Variants in PCM1 observed in about 807,000 individuals in gnomAD.
PCM1 encodes pericentriolar material 1 protein.
PCM1 carries 157 observed loss-of-function variants against 241.9 expected under a neutral mutation model. That is an observed-to-expected ratio of 0.65 (90% confidence interval 0.57 to 0.74). PCM1 has a LOEUF of 0.74. PCM1 is among the 30% of genes least tolerant of loss of function. The pLI is 0.00. For missense variants in PCM1, 3,478 were observed against 2,360.1 expected, an observed-to-expected ratio of 1.47 and a Z score of -9.81; for synonymous variants, 1,085 against 784.9, an observed-to-expected ratio of 1.38 and a Z score of -6.39.
intron 13 of PCM1, 44 bp from the exon 14 acceptor site, chr8:17,959,970 T>A: frequency 6.3e-7 from 1 of 1,581,828 alleles, no homozygotes; most frequent in Non-Finnish European, 8.6e-7. Context: ...TTGGATAATG[T>A]CTTGAGGTAT....
chr8:18,018,241 T>C (rs1309725191), intron 36 of PCM1, among the ~76,000 whole-genome samples: 1 of 152,220 alleles, frequency 6.6e-6, no homozygotes, highest in Non-Finnish European at 1.5e-5. Context: ...CTGACCCTTC[T>C]AAACCTGAAC....
chr8:18,026,501 C>T (rs566517458), intron 38 of PCM1, among the ~76,000 whole-genome samples: 8 of 151,680 alleles, frequency 5.3e-5, no homozygotes, highest in East Asian at 2.0e-4. Context: ...CCTCGTGATC[C>T]GCCTGCCTCA....
At chr8:17,995,922 T>C (rs1307775207) in intron 29 of PCM1, among the ~76,000 whole-genome samples, 2 of 152,196 alleles carry the variant, frequency 1.3e-5, no homozygotes, top group African/African-American at 4.8e-5. Flanking sequence ...GTTCTAATAG[T>C]ATTCTTGTGG....
At chr8:18,011,925 A>G in intron 34 of PCM1, 98 bp downstream of exon 34, 1 of 1,112,954 alleles carries the variant, frequency 9.0e-7, no homozygotes, top group Non-Finnish European at 1.3e-6. Flanking sequence ...ATCCTTCTAA[A>G]TATTCAGGTT....
chr8:17,998,233 G>A (rs1423213514), intron 29 of PCM1, among the ~76,000 whole-genome samples: 2 of 152,042 alleles, frequency 1.3e-5, no homozygotes, highest in Middle Eastern at 3.4e-3. Flanking sequence ...TTTTCTGTAT[G>A]GTCTTGATGT....
rs557264194 is a variant in PCM1, at chr8:17,994,971, T to C, written c.4827+1352T>C. Among the ~76,000 whole-genome samples, 18 of 151,628 alleles carry C rather than the reference T, an allele frequency of 1.2e-4. No individual in the cohort carries two copies. The South Asian group carries it at 1.9e-3, about 16-fold the overall frequency. On this transcript the variant is annotated intron_variant, in intron 29 of 38. Transcript: ENST00000325083. ...TTTGCACATATTTTCTCTCATTCTG[T>C]GGGTTGTCTCTTCACTTTGTTGTTT...
chr8:18,007,812 C>T (rs1330857264), intron 30 of PCM1, among the ~76,000 whole-genome samples: 2 of 152,068 alleles, frequency 1.3e-5, no homozygotes, highest in Non-Finnish European at 2.9e-5. Flanking sequence ...TACGTTTTTA[C>T]CATAACTGTA....
At chr8:18,000,504 G>C (rs2088914030) in intron 29 of PCM1, among the ~76,000 whole-genome samples, 1 of 152,100 alleles carries the variant, frequency 6.6e-6, no homozygotes. Context: ...TAGGAAATCA[G>C]TAGGTCCTAC....
At chr8:17,940,130 A>C in intron 6 of PCM1, 1 of 1,563,020 alleles carries the variant, frequency 6.4e-7, no homozygotes, top group South Asian at 1.2e-5. Flanking sequence ...CTAAACATAG[A>C]TGTGCAGTCT....
At chr8:17,955,867 A>T in intron 10 of PCM1, 1 of 560,484 alleles carries the variant, frequency 1.8e-6, no homozygotes, top group South Asian at 2.1e-5. Flanking sequence ...AACTGATGTT[A>T]CTTTCTTGTT....
chr8:18,017,019 C>A (rs1488727185), intron 36 of PCM1, among the ~76,000 whole-genome samples: 8 of 152,178 alleles, frequency 5.3e-5, no homozygotes, highest in Non-Finnish European at 8.8e-5. Flanking sequence ...AGTTTCTACG[C>A]ATGATATTAG....
At chr8:17,956,122 A>G (rs558571477) in intron 10 of PCM1, among the ~76,000 whole-genome samples, 1 of 152,316 alleles carries the variant, frequency 6.6e-6, no homozygotes, top group African/African-American at 2.4e-5. Flanking sequence ...ACTTACAGTA[A>G]GAACTCAGCT....
At chr8:17,992,217 A>G (rs927715653) in intron 28 of PCM1, among the ~76,000 whole-genome samples, 3 of 152,330 alleles carry the variant, frequency 2.0e-5, no homozygotes, top group East Asian at 1.9e-4. Context: ...ACGTGCAAGT[A>G]TCTTTTTCAT....
chr8:17,950,550 T>A, intron 7 of PCM1, 65 bp from the exon 8 acceptor site: 1 of 797,808 alleles, frequency 1.3e-6, no homozygotes, highest in Non-Finnish European at 2.0e-6. Flanking sequence ...TATTTTTAGC[T>A]TCTCAGAGAT....
At chr8:17,986,811 A>G (rs1409239772) in intron 26 of PCM1, among the ~76,000 whole-genome samples, 2 of 151,630 alleles carry the variant, frequency 1.3e-5, no homozygotes, top group Admixed American at 6.6e-5. Context: ...TTTTATGACA[A>G]CTCTAGCACC....
chr8:18,005,614 T>G (rs985494069), intron 29 of PCM1, among the ~76,000 whole-genome samples: 2 of 152,164 alleles, frequency 1.3e-5, no homozygotes, highest in African/African-American at 4.8e-5. Context: ...TTCATATTAT[T>G]TTGTAGCTCA....
chr8:17,972,788 G>A (rs1265425827), intron 23 of PCM1, 101 bp downstream of exon 23: 2 of 610,924 alleles, frequency 3.3e-6, no homozygotes, highest in East Asian at 2.9e-5. Flanking sequence ...AGATGTGCAG[G>A]TGCTGTTCTA....
intron 34 of PCM1, among the ~76,000 whole-genome samples, chr8:18,012,163 A>G (rs372434450): frequency 3.5e-4 from 53 of 152,136 alleles, no homozygotes; most frequent in African/African-American, 1.2e-3. Context: ...CCCATCCAAT[A>G]ATTTATACGT....
intron 16 of PCM1, among the ~76,000 whole-genome samples, chr8:17,962,732 C>T (rs376961678): frequency 6.6e-6 from 1 of 151,988 alleles, no homozygotes; most frequent in South Asian, 2.1e-4. Flanking sequence ...AACCCTATCT[C>T]TACTAAAAAA....
Sources: allele counts gnomAD v4.1 joint callset (sites outside exome capture counted in the v4.1 genomes callset), GRCh38; gene constraint gnomAD v4.1.1; transcripts MANE v1.5; gene names NCBI Gene and HGNC (gene_info 2026-07-23, HGNC 2026-07-21).